PSMA6: variants seen among roughly 807,000 people sequenced by gnomAD.
PSMA6 encodes proteasome 20S subunit alpha 6.
For synonymous variants in PSMA6, 88 were observed against 97.7 expected, an observed-to-expected ratio of 0.90 and a Z score of 0.59; for missense variants, 170 against 294.8, an observed-to-expected ratio of 0.58 and a Z score of 3.10.
At chr14:35,312,827 G>A (rs756324720) in intron 4 of PSMA6, 54 bp from the exon 5 acceptor site, 2 of 1,459,360 alleles carry the variant, frequency 1.4e-6, no homozygotes, top group Admixed American at 2.5e-5. Context: ...CAAGAAAGAG[G>A]AGATGTCATT....
chr14:35,310,851 C>G lies in PSMA6; in HGVS notation c.365C>G (p.Ser122Cys). The change falls in exon 4 of 7, where the codon TCT (serine) becomes TGT (cysteine). Residue 122 changes from serine (S) to cysteine (C), a missense_variant. Coordinates refer to ENST00000261479, the MANE Select transcript of PSMA6 (RefSeq NM_002791.3). Reference protein sequence around the residue: ...DMLCKRIADISQVYTQNAEMR... With the variant: ...DMLCKRIADICQVYTQNAEMR... ...CTGTGTAAAAGAATTGCCGATATTTCTCAGGTCTACACACAGAATGCTGAA... is the reference window on the plus strand; with the variant it reads ...CTGTGTAAAAGAATTGCCGATATTTGTCAGGTCTACACACAGAATGCTGAA... The G allele has an allele frequency of 6.2e-7, 1 of 1,613,872 alleles. No individual in the cohort carries two copies. The highest frequency in any genetic ancestry group is 8.5e-7 in the Non-Finnish European group (1 of 1,179,896).
At chr14:35,311,794 A>T (rs2051949008) in intron 4 of PSMA6, among the ~76,000 whole-genome samples, 1 of 152,202 alleles carries the variant, frequency 6.6e-6, no homozygotes, top group Admixed American at 6.6e-5. Flanking sequence ...TGTGTGACTT[A>T]CTAGAGGAGT....
chr14:35,307,940 G>C (rs978665827), intron 1 of PSMA6, 54 bp from the exon 2 acceptor site: 19 of 1,523,168 alleles, frequency 1.2e-5, no homozygotes, highest in Non-Finnish European at 1.4e-5. Context: ...TTATTTCATT[G>C]CAAGAATCTA....
chr14:35,312,834 CA>C, intron 4 of PSMA6, 46 bp from the exon 5 acceptor site: 1 of 1,496,830 alleles, frequency 6.7e-7, no homozygotes, highest in Non-Finnish European at 9.0e-7. Context: ...GAGGAGATGT[CA>C]TTGTATAAAG....
intron 1 of PSMA6, among the ~76,000 whole-genome samples, chr14:35,281,533 A>C (rs981661665): frequency 2.6e-5 from 4 of 152,162 alleles, no homozygotes; most frequent in African/African-American, 9.7e-5. Flanking sequence ...TGCAGACTGT[A>C]ATTTGAGAAG....
intron 1 of PSMA6, among the ~76,000 whole-genome samples, chr14:35,285,333 C>CT (rs1452547316): frequency 1.8e-5 from 2 of 108,232 alleles, no homozygotes; most frequent in Non-Finnish European, 3.4e-5. Context: ...GAGCAAAACT[C>CT]TATCTCAAAA....
intron 1 of PSMA6, among the ~76,000 whole-genome samples, chr14:35,286,548 C>T (rs996616327): frequency 6.6e-6 from 1 of 151,988 alleles, no homozygotes; most frequent in African/African-American, 2.4e-5. Flanking sequence ...TATCAAAAGC[C>T]GTAAGAGGAT....
chr14:35,301,460 T>C (rs972638955), intron 1 of PSMA6, among the ~76,000 whole-genome samples: 2 of 151,886 alleles, frequency 1.3e-5, no homozygotes, highest in Non-Finnish European at 2.9e-5. Context: ...CGAGCCAAGA[T>C]TGCTCCACTG....
intron 1 of PSMA6, among the ~76,000 whole-genome samples, chr14:35,283,156 A>G (rs973237709): frequency 6.6e-6 from 1 of 151,966 alleles, no homozygotes; most frequent in Admixed American, 6.6e-5. Context: ...TACTTTGTAC[A>G]TTGGCATAGA....
chr14:35,292,833 G>T (rs2051512019), intron 1 of PSMA6: 2 of 547,902 alleles, frequency 3.7e-6, no homozygotes, highest in Non-Finnish European at 6.6e-6. Flanking sequence ...CTCCGGCTTC[G>T]TGAGGCCCCT....
At chr14:35,309,427 A>ATCAC (rs2051895670) in intron 3 of PSMA6, among the ~76,000 whole-genome samples, 2 of 152,226 alleles carry the variant, frequency 1.3e-5, no homozygotes, top group African/African-American at 4.8e-5. Flanking sequence ...AGGTGAGAGG[A>ATCAC]TTGTTTAAGA....
intron 1 of PSMA6, among the ~76,000 whole-genome samples, chr14:35,302,532 A>C (rs2051735254): frequency 6.6e-6 from 1 of 151,830 alleles, no homozygotes; most frequent in Non-Finnish European, 1.5e-5. Context: ...TTTTGCTTGG[A>C]GTTTTCTGAG....
At chr14:35,300,876 C>G (rs1242140124) in intron 1 of PSMA6, among the ~76,000 whole-genome samples, 1 of 152,048 alleles carries the variant, frequency 6.6e-6, no homozygotes, top group African/African-American at 2.4e-5. Flanking sequence ...GTTAGTAATA[C>G]AATTATGAAA....
At chr14:35,299,325 C>CTTT (rs1262734837) in intron 1 of PSMA6, among the ~76,000 whole-genome samples, 7 of 18,212 alleles carry the variant, frequency 3.8e-4, no homozygotes, top group African/African-American at 1.1e-3. Context: ...AGTGCCCAGC[C>CTTT]TCTTTTTTTT....
chr14:35,280,378 T>C (rs1243149470), intron 1 of PSMA6, among the ~76,000 whole-genome samples: 3 of 151,440 alleles, frequency 2.0e-5, no homozygotes, highest in Non-Finnish European at 4.4e-5. Flanking sequence ...TTGTTTCTTT[T>C]TTTTTTTTTT....
chr14:35,312,655 AT>A lies in PSMA6; in HGVS notation c.410-218del, dbSNP rs367982943. 5.6e-4 allele frequency: 248 copies of A among 443,822 alleles called. 2 individuals carry two copies. Among genetic ancestry groups the A allele is most frequent in the African/African-American group, 4.0e-3 (196 of 48,796 alleles). 27.5% of individuals were successfully genotyped at this position (443,822 alleles called of 1,614,324 possible). A position where few individuals can be genotyped will look rare whatever the true frequency, so the allele number is the denominator to read the frequency against. ...AATTGTATTTGTAATTATTCAAACT[AT>A]TTTTTTTAATCTGTGATAAATCCTT... On this transcript the variant is annotated intron_variant, in intron 4 of 6. Coordinates refer to ENST00000261479, the MANE Select transcript of PSMA6 (RefSeq NM_002791.3).
At chr14:35,293,010 C>G (rs1356422343) in intron 1 of PSMA6, 1 of 458,008 alleles carries the variant, frequency 2.2e-6, no homozygotes, top group Non-Finnish European at 4.4e-6. Context: ...ATACCAGACA[C>G]TGCTAGTCCT....
chr14:35,306,787 G>A (rs150191869), intron 1 of PSMA6, among the ~76,000 whole-genome samples: 1 of 152,264 alleles, frequency 6.6e-6, no homozygotes, highest in African/African-American at 2.4e-5. Flanking sequence ...TTTGATCCTA[G>A]TGTTTTAACC....
At chr14:35,294,992 GA>G (rs1292116706) in intron 1 of PSMA6, among the ~76,000 whole-genome samples, 1 of 152,128 alleles carries the variant, frequency 6.6e-6, no homozygotes, top group Non-Finnish European at 1.5e-5. Context: ...GGACTCAAAA[GA>G]TAAATGTCGT....
Sources: gnomAD v4.1 joint callset for allele counts (sites outside exome capture counted in the v4.1 genomes callset) on GRCh38, gnomAD v4.1.1 for gene constraint, MANE v1.5 for transcripts, NCBI Gene and HGNC (gene_info 2026-07-23, HGNC 2026-07-21) for gene names.